The following SMIM14 variants were observed in gnomAD, a reference collection of about 807,000 sequenced individuals.
SMIM14 encodes chromosome 4 open reading frame 34.
In SMIM14, 5 loss-of-function variants were observed where a neutral mutation model predicts 12.6. That is an observed-to-expected ratio of 0.40 (90% CI 0.21 to 0.83). SMIM14 has a LOEUF of 0.83. SMIM14 is among the 40% of genes least tolerant of loss of function. The pLI is 0.37. For synonymous variants in SMIM14, 30 were observed against 40.1 expected (o/e 0.75, Z 0.95); for missense variants, 86 against 119.1 (o/e 0.72, Z 1.29).
At chr4:39,630,867 CAA>C (rs11451806) in intron 1 of SMIM14, among the ~76,000 whole-genome samples, 21 of 53,844 alleles carry the variant, frequency 3.9e-4, no homozygotes, top group Admixed American at 6.4e-4. Flanking sequence ...AAAACCCTGT[CAA>C]AAAAAAAAAA....
At chr4:39,574,381 C>A (rs781667884) in intron 2 of SMIM14, among the ~76,000 whole-genome samples, 15 of 152,006 alleles carry the variant, frequency 9.9e-5, no homozygotes, top group Non-Finnish European at 2.1e-4. Context: ...AGCCTCCCTA[C>A]AGGTGCATGC....
At chr4:39,617,695 G>A (rs1045716829) in intron 1 of SMIM14, among the ~76,000 whole-genome samples, 2 of 152,070 alleles carry the variant, frequency 1.3e-5, no homozygotes, top group African/African-American at 2.4e-5. Context: ...TAAATCTGAG[G>A]CAAACATTGT....
intron 3 of SMIM14, among the ~76,000 whole-genome samples, chr4:39,564,666 T>C (rs1270664136): frequency 6.6e-6 from 1 of 152,230 alleles, no homozygotes; most frequent in African/African-American, 2.4e-5. Flanking sequence ...CTCTTTTGTT[T>C]AAAGGATTCT....
rs149288205 is a variant in SMIM14 at position 39,559,961 on chromosome 4, T to TAA, written c.125-3393_125-3392dup. 8.0e-3 allele frequency among the ~76,000 whole-genome samples: 1,162 copies of TAA among 145,040 alleles called. 24 individuals carry two copies. The highest frequency in any genetic ancestry group is 0.027 in the African/African-American group (1,067 of 39,684). ...ACAAAAACCCGTATCTACAAAAAAT[T>TAA]AAAAAAAAAAAATAGCCGGGTGTGG... is the stretch of plus-strand genomic sequence containing the variant. On this transcript the variant is annotated intron_variant, in intron 3 of 4. Coordinates refer to ENST00000295958, the MANE Select transcript of SMIM14 (RefSeq NM_174921.3).
intron 2 of SMIM14, chr4:39,592,968 A>T (rs1440484090): frequency 6.6e-6 from 1 of 152,234 alleles, no homozygotes; most frequent in Admixed American, 6.6e-5. Flanking sequence ...GAATTCTACC[A>T]GAGGTACAAG....
chr4:39,615,694 T>TA (rs2110068343), intron 1 of SMIM14, among the ~76,000 whole-genome samples: 2 of 152,216 alleles, frequency 1.3e-5, no homozygotes, highest in South Asian at 4.1e-4. Context: ...AAAAAAATGA[T>TA]ATTTTAAAAA....
intron 1 of SMIM14, among the ~76,000 whole-genome samples, chr4:39,605,885 C>T (rs529524461): frequency 1.2e-4 from 18 of 152,204 alleles, no homozygotes; most frequent in East Asian, 1.9e-4. Context: ...GGATTACAGG[C>T]ATGCACCACG....
At chr4:39,573,125 C>T (rs1006126129) in intron 2 of SMIM14, among the ~76,000 whole-genome samples, 1 of 150,034 alleles carries the variant, frequency 6.7e-6, no homozygotes, top group Non-Finnish European at 1.5e-5. Context: ...TATTTAGTTT[C>T]GCTCTTGTTG....
chr4:39,598,773 G>C lies in SMIM14; in HGVS notation c.75+6298C>G, dbSNP rs1714478496. Among the ~76,000 whole-genome samples the C allele has an allele frequency of 2.0e-5, 3 of 152,070 alleles. No individual in the cohort carries two copies. The South Asian group carries it at 6.2e-4, about 31-fold the overall frequency. ...TTTACAGTTCCCTAGATCACAAGAT[G>C]TCTAGACTCACCAGGTATTCTACCA... is the stretch of plus-strand genomic sequence containing the variant. On this transcript the variant is annotated intron_variant, in intron 2 of 4. Coordinates refer to ENST00000295958, the MANE Select transcript of SMIM14 (RefSeq NM_174921.3).
At chr4:39,632,775 TCACACACACACACACACA>T (rs369057968) in intron 1 of SMIM14, among the ~76,000 whole-genome samples, 71 of 115,096 alleles carry the variant, frequency 6.2e-4, no homozygotes, top group Admixed American at 1.2e-3. Context: ...GAGACTCCCG[TCACACACACACACACACA>T]CACACACACA....
chr4:39,556,883 G>A (rs1712043057), intron 3 of SMIM14, among the ~76,000 whole-genome samples: 1 of 152,168 alleles, frequency 6.6e-6, no homozygotes, highest in Non-Finnish European at 1.5e-5. Context: ...AACCTTCTAT[G>A]TTCATGGGAT....
At chr4:39,578,992 CAAA>C (rs201636070) in intron 2 of SMIM14, among the ~76,000 whole-genome samples, 3 of 71,842 alleles carry the variant, frequency 4.2e-5, no homozygotes, top group Admixed American at 1.3e-4. Flanking sequence ...GTGAGACTGT[CAAA>C]AAAAAAAAAA....
intron 2 of SMIM14, among the ~76,000 whole-genome samples, chr4:39,588,553 T>TAAA (rs1235692709): frequency 6.6e-6 from 1 of 152,142 alleles, no homozygotes; most frequent in Non-Finnish European, 1.5e-5. Context: ...TGAAATTTCC[T>TAAA]TATTGACTAA....
chr4:39,591,889 C>T (rs1335500324), intron 2 of SMIM14, among the ~76,000 whole-genome samples: 1 of 152,102 alleles, frequency 6.6e-6, no homozygotes, highest in Non-Finnish European at 1.5e-5. Flanking sequence ...TTTAAAATAA[C>T]CCTATAATAA....
chr4:39,598,741 A>C (rs1714477323), intron 2 of SMIM14, among the ~76,000 whole-genome samples: 1 of 152,110 alleles, frequency 6.6e-6, no homozygotes, highest in Non-Finnish European at 1.5e-5. Flanking sequence ...TGACTTTTCA[A>C]AACTTGTTTA....
chr4:39,619,854 ATATATT>A lies in SMIM14; in HGVS notation c.-35-14680_-35-14675del, dbSNP rs1192475290. Among the ~76,000 whole-genome samples the A allele has an allele frequency of 1.7e-3, 101 of 60,222 alleles. 5 individuals carry two copies. Among genetic ancestry groups the A allele is most frequent in the Middle Eastern group, 8.8e-3 (1 of 114 alleles). The allele number at this position is 60,222 out of a possible 152,430, so 39.5% of individuals were successfully genotyped here. A position where few individuals can be genotyped will look rare whatever the true frequency, so the allele number is the denominator to read the frequency against. ...TATATAAATGTATATATATATTTAT[ATATATT>A]TATATATATATATATATTTTTTTTT... is the stretch of plus-strand genomic sequence containing the variant. On this transcript the variant is annotated intron_variant, in intron 1 of 4. Coordinates refer to ENST00000295958, the MANE Select transcript of SMIM14 (RefSeq NM_174921.3).
chr4:39,547,961 A>G lies in SMIM14; in HGVS notation c.*4165T>C, dbSNP rs1301481738. The stretch of plus-strand genomic sequence containing the variant: ...ACTCTTGTTGCCCAGGCTGGAGTGC[A>G]ATGGCGTGATCTTGGCTCACTGCAA... On this transcript the variant is annotated 3_prime_UTR_variant, in exon 5 of 5. Transcript: ENST00000295958. 1 of 150,430 alleles carries G rather than the reference A, an allele frequency of 6.6e-6. No individual in the cohort carries two copies. The highest frequency in any genetic ancestry group is 2.5e-5 in the African/African-American group (1 of 40,722). 9.3% of individuals were successfully genotyped at this position (150,430 alleles called of 1,614,324 possible). A position where few individuals can be genotyped will look rare whatever the true frequency, so the allele number is the denominator to read the frequency against.
At chr4:39,553,800 G>C (rs1422214375) in intron 4 of SMIM14, among the ~76,000 whole-genome samples, 4 of 151,614 alleles carry the variant, frequency 2.6e-5, no homozygotes, top group Non-Finnish European at 1.5e-5. Context: ...GGTTATGTTG[G>C]CTAGGCTGGT....
chr4:39,632,022 G>T (rs1271232508), intron 1 of SMIM14, among the ~76,000 whole-genome samples: 1 of 151,990 alleles, frequency 6.6e-6, no homozygotes, highest in Non-Finnish European at 1.5e-5. Flanking sequence ...AAATACATAT[G>T]TAAGCCCTAC....
Sources: gnomAD v4.1 joint callset for allele counts (sites outside exome capture counted in the v4.1 genomes callset) on GRCh38, gnomAD v4.1.1 for gene constraint, MANE v1.5 for transcripts, NCBI Gene and HGNC (gene_info 2026-07-23, HGNC 2026-07-21) for gene names.